Variants in RALYL observed in about 807,000 individuals in gnomAD.
The protein encoded by RALYL is RNA-binding Raly-like protein.
RALYL carries 29 observed loss-of-function variants against 35.1 expected under a neutral mutation model. The ratio of observed to expected loss-of-function variants is 0.83; its 90% CI spans 0.61 to 1.13. The LOEUF (loss-of-function observed/expected upper bound fraction) is 1.13, where lower values mean the gene tolerates loss of function less well. Ranked by LOEUF, RALYL falls within the 50% of genes most tolerant of loss-of-function variation. The probability of loss-of-function intolerance (pLI) is 0.00; values close to 1 mark genes in which losing one functional copy is unlikely to be tolerated. For missense variants in RALYL, 359 were observed against 360.4 expected (o/e 1.00, Z 0.03); for synonymous variants, 120 against 127.6 (o/e 0.94, Z 0.40).
intron 1 of RALYL, among the ~76,000 whole-genome samples, chr8:84,334,612 A>C (rs1402742087): frequency 2.6e-5 from 4 of 151,906 alleles, no homozygotes; most frequent in Non-Finnish European, 4.4e-5. Flanking sequence ...AAAAATCAAG[A>C]AGTTTAACCT....
chr8:84,690,623 T>C (rs1462454682), intron 2 of RALYL, among the ~76,000 whole-genome samples: 1 of 152,150 alleles, frequency 6.6e-6, no homozygotes, highest in Non-Finnish European at 1.5e-5. Flanking sequence ...ATACAATTTT[T>C]ATCTGTTAAT....
intron 1 of RALYL, among the ~76,000 whole-genome samples, chr8:84,249,315 A>G (rs139825767): frequency 6.6e-6 from 1 of 152,240 alleles, no homozygotes; most frequent in Non-Finnish European, 1.5e-5. Context: ...CTAACCTGTT[A>G]GATTGCTGTA....
intron 6 of RALYL, among the ~76,000 whole-genome samples, chr8:84,866,619 G>C (rs955047019): frequency 4.6e-5 from 7 of 152,044 alleles, no homozygotes; most frequent in African/African-American, 1.7e-4. Flanking sequence ...TAATCTTACT[G>C]CCTTCTCTGT....
intron 2 of RALYL, chr8:84,706,071 T>C: frequency 2.0e-6 from 3 of 1,534,730 alleles, no homozygotes; most frequent in Non-Finnish European, 2.6e-6. Context: ...GTAAGTAAAA[T>C]CTGACCCAAC....
intron 1 of RALYL, among the ~76,000 whole-genome samples, chr8:84,455,923 C>T (rs2050082736): frequency 1.3e-5 from 2 of 152,006 alleles, no homozygotes; most frequent in Non-Finnish European, 2.9e-5. Context: ...CTCAGTTCCA[C>T]TCTATCTTCA....
chr8:84,223,196 TTCCCTTCCATTCC>T (rs1822889852), intron 1 of RALYL, among the ~76,000 whole-genome samples: 2 of 110,950 alleles, frequency 1.8e-5, no homozygotes, highest in African/African-American at 8.2e-5. Flanking sequence ...TTCCCTTCCC[TTCCCTTCCATTCC>T]TCCCTTCCCT....
chr8:84,430,113 G>T (rs573860387), intron 1 of RALYL, among the ~76,000 whole-genome samples: 93 of 152,032 alleles, frequency 6.1e-4, no homozygotes, highest in Non-Finnish European at 5.4e-4. Context: ...TTTGTTGAGT[G>T]TGTAATTCCA....
At chr8:84,786,680 GT>G (rs1225147368) in intron 3 of RALYL, among the ~76,000 whole-genome samples, 1 of 151,418 alleles carries the variant, frequency 6.6e-6, no homozygotes, top group Non-Finnish European at 1.5e-5. Flanking sequence ...AGAGTTGTTT[GT>G]TTTTTTCTTG....
At chr8:84,605,426 G>A (rs1816893936) in intron 2 of RALYL, among the ~76,000 whole-genome samples, 1 of 152,126 alleles carries the variant, frequency 6.6e-6, no homozygotes, top group Middle Eastern at 3.4e-3. Context: ...ATCATCATAA[G>A]CATTACCACC....
At chr8:84,505,785 G>A (rs1280681377) in intron 1 of RALYL, among the ~76,000 whole-genome samples, 1 of 152,094 alleles carries the variant, frequency 6.6e-6, no homozygotes, top group East Asian at 1.9e-4. Context: ...CTAGAAGTTA[G>A]AATAGCAAGC....
intron 2 of RALYL, among the ~76,000 whole-genome samples, chr8:84,638,887 T>TTCTCTC: frequency 2.3e-5 from 1 of 44,070 alleles, no homozygotes; most frequent in Non-Finnish European, 6.3e-5. Context: ...TATATATATA[T>TTCTCTC]ATATATATAT....
chr8:84,313,975 C>T (rs533973453), intron 1 of RALYL, among the ~76,000 whole-genome samples: 11 of 152,252 alleles, frequency 7.2e-5, no homozygotes, highest in South Asian at 6.2e-4. Context: ...AAACATACTA[C>T]CTGAAACTGG....
At chr8:84,197,085 C>G (rs1336128149) in intron 1 of RALYL, among the ~76,000 whole-genome samples, 1 of 152,126 alleles carries the variant, frequency 6.6e-6, no homozygotes, top group Admixed American at 6.5e-5. Context: ...TGCAGAGAAT[C>G]ACTCATTATT....
At chr8:84,856,118 T>C (rs1836917114) in intron 5 of RALYL, among the ~76,000 whole-genome samples, 1 of 152,212 alleles carries the variant, frequency 6.6e-6, no homozygotes, top group African/African-American at 2.4e-5. Context: ...TTTGAAATGT[T>C]TGAAAATAAC....
chr8:84,505,124 T>C (rs1039855161), intron 1 of RALYL, among the ~76,000 whole-genome samples: 1 of 152,090 alleles, frequency 6.6e-6, no homozygotes, highest in Non-Finnish European at 1.5e-5. Flanking sequence ...GCACGAACAA[T>C]ACACCTGCCT....
chr8:84,729,259 G>T (rs1193538298), intron 2 of RALYL, among the ~76,000 whole-genome samples: 1 of 152,060 alleles, frequency 6.6e-6, no homozygotes, highest in Non-Finnish European at 1.5e-5. Context: ...GTTCACTCAT[G>T]ATTTGGCTGT....
intron 2 of RALYL, among the ~76,000 whole-genome samples, chr8:84,715,907 C>T (rs149091511): frequency 9.5e-4 from 144 of 152,132 alleles, no homozygotes; most frequent in African/African-American, 3.2e-3. Context: ...TTATTATTGA[C>T]ATATTATCTC....
intron 2 of RALYL, among the ~76,000 whole-genome samples, chr8:84,629,641 C>T (rs1348986309): frequency 6.6e-6 from 1 of 151,884 alleles, no homozygotes; most frequent in Non-Finnish European, 1.5e-5. Context: ...TATGACAGAA[C>T]AGTCTGTGTA....
At chr8:84,324,219 T>C (rs1051657462) in intron 1 of RALYL, among the ~76,000 whole-genome samples, 5 of 152,074 alleles carry the variant, frequency 3.3e-5, no homozygotes, top group African/African-American at 1.2e-4. Context: ...TATTTGACTT[T>C]GAGTATCTTG....
Sources: gnomAD v4.1 joint callset for allele counts (sites outside exome capture counted in the v4.1 genomes callset) on GRCh38, gnomAD v4.1.1 for gene constraint, MANE v1.5 for transcripts, NCBI Gene and HGNC (gene_info 2026-07-23, HGNC 2026-07-21) for gene names.